Variants in CCDC163 observed in about 807,000 individuals in gnomAD.
CCDC163 encodes the protein CCDC163 homolog.
In CCDC163, 13 loss-of-function variants were observed where a neutral mutation model predicts 8.2. That is an observed-to-expected ratio of 1.59 (90% CI 1.04 to 2.54). The LOEUF (loss-of-function observed/expected upper bound fraction) is 2.54. CCDC163 is among the 30% of genes most tolerant of loss of function. The pLI is 0.00. For synonymous variants in CCDC163, 41 were observed against 30.9 expected (o/e 1.33, Z -1.08); for missense variants, 117 against 78.6 (o/e 1.49, Z -1.85).
chr1:45,496,686 T>A, intron 3 of CCDC163, 63 bp from the exon 4 acceptor site: 1 of 720,630 alleles, frequency 1.4e-6, no homozygotes, highest in Non-Finnish European at 2.6e-6. Context: ...CCTCCCTGCC[T>A]GTGACCAGCC....
chr1:45,496,006 ACTCT>A (rs1165013243), intron 4 of CCDC163, among the ~76,000 whole-genome samples: 2 of 151,728 alleles, frequency 1.3e-5, no homozygotes, highest in African/African-American at 4.8e-5. Context: ...TACCTCACTG[ACTCT>A]CTATCAGGTA....
chr1:45,498,839 C>G (rs554133145), intron 2 of CCDC163, among the ~76,000 whole-genome samples: 1 of 152,212 alleles, frequency 6.6e-6, no homozygotes, highest in African/African-American at 2.4e-5. Flanking sequence ...CTGCTGCTCT[C>G]GCTCTTCTAG....
At position 45,499,592 on chromosome 1, in the gene CCDC163, G is replaced by C. The variant is rs1040737349; in HGVS notation, c.18C>G (p.Ser6Arg). MNTSL[S>R]WFEQLDVLLN... ...GAAGCACATCCAGCTGCTCAAACCA[G>C]CTGAGGCTCGTATTCATATCCTGTG... is the stretch of plus-strand genomic sequence containing the variant. The change falls in exon 1 of 5, where the codon AGC becomes AGG. Residue 6 changes from serine (S) to arginine (R), a missense_variant. Ser to Arg is a moderately radical substitution (Grantham distance 110). Transcript: ENST00000629482. 5.2e-6 allele frequency: 4 copies of C among 773,608 alleles called. No homozygotes were observed. The highest frequency in any genetic ancestry group is 9.6e-6 in the Non-Finnish European group (4 of 414,766). 47.9% of individuals were successfully genotyped at this position (773,608 alleles called of 1,614,324 possible).
rs1457647837 is a variant in CCDC163 at position 45,494,733 on chromosome 1, G to T, written c.*326C>A. The T allele has an allele frequency of 5.6e-5, 17 of 305,974 alleles. No homozygotes were observed. Among genetic ancestry groups the T allele is most frequent in the Non-Finnish European group, 7.6e-5 (12 of 157,138 alleles). The allele number at this position is 305,974 out of a possible 1,614,324, so 19.0% of individuals were successfully genotyped here. A position where few individuals can be genotyped will look rare whatever the true frequency, so the allele number is the denominator to read the frequency against. ...GCACTTTGGGAGGGCGAGGCGGGCA[G>T]ATCACTTGAGGTCAGAAGTTCAAGA... On this transcript the variant is annotated 3_prime_UTR_variant, in exon 5 of 5. Transcript: ENST00000629482.
At chr1:45,498,347 CCT>C (rs1643423710) in intron 2 of CCDC163, 2 of 152,658 alleles carry the variant, frequency 1.3e-5, no homozygotes, top group African/African-American at 4.9e-5. Context: ...GCCAAATCCC[CCT>C]CTGTGAGAAA....
intron 4 of CCDC163, among the ~76,000 whole-genome samples, chr1:45,495,838 T>C (rs1654075905): frequency 6.6e-6 from 1 of 151,958 alleles, no homozygotes; most frequent in Non-Finnish European, 1.5e-5. Flanking sequence ...GGCTAATTTT[T>C]GTAGAGATGG....
chr1:45,498,980 G>A (rs1643453253), intron 2 of CCDC163, among the ~76,000 whole-genome samples: 2 of 152,144 alleles, frequency 1.3e-5, no homozygotes, highest in Non-Finnish European at 2.9e-5. Context: ...TACACACCAA[G>A]GATTCCAAGC....
At chr1:45,497,623 G>A (rs1654288655) in intron 2 of CCDC163, among the ~76,000 whole-genome samples, 1 of 125,480 alleles carries the variant, frequency 8.0e-6, no homozygotes, top group South Asian at 2.8e-4. Flanking sequence ...AAAGTGCCGA[G>A]ACTGCAGCCT....
intron 4 of CCDC163, chr1:45,496,186 AG>A (rs1447311546): frequency 2.7e-6 from 1 of 364,530 alleles, no homozygotes; most frequent in Non-Finnish European, 5.3e-6. Flanking sequence ...TGCTCCCTCC[AG>A]GCATCTTGGT....
chr1:45,495,900 C>G (rs893221173), intron 4 of CCDC163, among the ~76,000 whole-genome samples: 1 of 152,058 alleles, frequency 6.6e-6, no homozygotes, highest in Non-Finnish European at 1.5e-5. Context: ...TCAGGTGATC[C>G]GCCCACCTCG....
chr1:45,495,457 G>T (rs1170774561), intron 4 of CCDC163: 3 of 702,728 alleles, frequency 4.3e-6, no homozygotes, highest in Admixed American at 4.0e-5. Context: ...TTACTGTCCA[G>T]AAGACTGAAT....
intron 2 of CCDC163, among the ~76,000 whole-genome samples, chr1:45,497,951 G>A (rs1643391101): frequency 1.4e-5 from 2 of 148,114 alleles, no homozygotes; most frequent in Non-Finnish European, 1.5e-5. Context: ...GGGGAAAGGT[G>A]GGGAAAAGAT....
Position 45,497,347 on chromosome 1 carries a change from C to T in CCDC163, c.214G>A (p.Glu72Lys). 1.3e-6 allele frequency: 1 copy of T among 780,102 alleles called. No individual in the cohort carries two copies. Among genetic ancestry groups the T allele is most frequent in the Non-Finnish European group, 2.4e-6 (1 of 417,548 alleles). 48.3% of individuals were successfully genotyped at this position (780,102 alleles called of 1,614,324 possible). The change falls in exon 3 of 5, where the codon GAG (glutamate) becomes AAG (lysine). Residue 72 changes from glutamate (E) to lysine (K), a missense_variant. Transcript: ENST00000629482. ...AATTCCTTCTGCATAATCTCTGACT[C>T]CTCCCACAGCACTGCAGGAGTGACA... ...TAVTPAVLWE[E>K]SEIMQKELKL... is the part of the protein sequence containing the mutation.
intron 2 of CCDC163, among the ~76,000 whole-genome samples, chr1:45,497,668 G>A (rs1643359147): frequency 1.3e-5 from 1 of 79,020 alleles, no homozygotes; most frequent in Non-Finnish European, 2.5e-5. Context: ...GAAGTGAGGA[G>A]CGTCTCCGCC....
At chr1:45,499,314 G>C (rs755749372) in intron 2 of CCDC163, 31 bp downstream of exon 2, 11 of 752,316 alleles carry the variant, frequency 1.5e-5, no homozygotes, top group Non-Finnish European at 2.7e-5. Context: ...GAAAGAGAAA[G>C]GGCTTGGAAG....
chr1:45,495,411 T>A (rs1570796606), intron 4 of CCDC163: 1 of 702,750 alleles, frequency 1.4e-6, no homozygotes, highest in African/African-American at 1.7e-5. Flanking sequence ...CTTGTCCTTA[T>A]CCTTACCTGG....
At chr1:45,497,073 T>C (rs1210793825) in intron 3 of CCDC163, among the ~76,000 whole-genome samples, 1 of 152,046 alleles carries the variant, frequency 6.6e-6, no homozygotes, top group Admixed American at 6.5e-5. Flanking sequence ...CTCAGGAGGC[T>C]GAGGCAGGAG....
rs760258542 is a variant in CCDC163 at position 45,499,439 on chromosome 1, C to T, written c.83G>A (p.Trp28Ter). The change falls in exon 2 of 5, where the codon TGG (tryptophan) becomes TAG (stop). Residue 28 changes from tryptophan to a stop codon, truncating the protein, a stop_gained. Coordinates refer to ENST00000629482, the MANE Select transcript of CCDC163 (RefSeq NM_001102601.3). LOFTEE classifies it high-confidence loss of function. ...TDGNVVRNKQ[W>*]LYPLGVSTEL... Reference sequence around the variant, plus strand: ...TGTGGAGACCCCAAGAGGATACAGCCACTGCTACAAAAGAAACAGATGCAC... The same window carrying T: ...TGTGGAGACCCCAAGAGGATACAGCTACTGCTACAAAAGAAACAGATGCAC... 1 of 778,694 alleles carries T rather than the reference C, an allele frequency of 1.3e-6. No homozygotes were observed. Among genetic ancestry groups the T allele is most frequent in the Admixed American group, 1.7e-5 (1 of 58,760 alleles). 48.2% of individuals were successfully genotyped at this position (778,694 alleles called of 1,614,324 possible).
intron 3 of CCDC163, among the ~76,000 whole-genome samples, chr1:45,496,854 A>T (rs1199472378): frequency 6.6e-6 from 1 of 152,186 alleles, no homozygotes; most frequent in East Asian, 1.9e-4. Context: ...ATGGCCACTT[A>T]ATGGGAGAGC....
Sources: gnomAD v4.1 joint callset for allele counts (sites outside exome capture counted in the v4.1 genomes callset) on GRCh38, gnomAD v4.1.1 for gene constraint, MANE v1.5 for transcripts, NCBI Gene and HGNC (gene_info 2026-07-23, HGNC 2026-07-21) for gene names.